TAOK2: variants seen among roughly 807,000 people sequenced by gnomAD.
The protein encoded by TAOK2 is TAO kinase 2.
Under a neutral mutation model 122.5 loss-of-function variants are expected in TAOK2, and 42 were observed. That is an observed-to-expected ratio of 0.34 (90% confidence interval 0.27 to 0.44). The LOEUF is 0.44. Among genes scored for constraint, TAOK2 ranks in the 20% least tolerant of loss-of-function variants. The pLI, the probability that TAOK2 is intolerant of heterozygous loss-of-function variation, is 1.00. For synonymous variants in TAOK2, 704 were observed against 677.6 expected (o/e 1.04, Z -0.61); for missense variants, 1,264 against 1,644.9 (o/e 0.77, Z 4.01).
At position 29,981,650 on chromosome 16, in the gene TAOK2, T is replaced by A; in HGVS notation, c.656-11T>A. ...ACCTCTCACCTTCTTCCCTTTCACC[T>A]TTTTCTGTAGCTGAACGGAAACCAC... is the stretch of plus-strand genomic sequence containing the variant. On this transcript the variant is annotated splice_polypyrimidine_tract_variant and intron_variant, in intron 8 of 15. Coordinates refer to ENST00000308893, the MANE Select transcript of TAOK2 (RefSeq NM_016151.4). 2 of 1,612,488 alleles carry A rather than the reference T, an allele frequency of 1.2e-6. No individual in the cohort carries two copies. Among genetic ancestry groups the A allele is most frequent in the Non-Finnish European group, 1.7e-6 (2 of 1,178,498 alleles).
rs150370002 is a variant in TAOK2, at chr16:29,985,807, C to T, written c.1938C>T (p.Tyr646=). 2.5e-6 allele frequency: 4 copies of T among 1,611,816 alleles called. No homozygotes were observed. Among genetic ancestry groups the T allele is most frequent in the Non-Finnish European group, 2.5e-6 (3 of 1,179,896 alleles). ...ACTTTGAGCTGCAGTGTCGCCAGTACAAGCGCAAGATGTTGCTGGCTCGGC... is the reference window on the plus strand; with the variant it reads ...ACTTTGAGCTGCAGTGTCGCCAGTATAAGCGCAAGATGTTGCTGGCTCGGC... ...RQYFELQCRQ[Y]KRKMLLARHS... The change falls in exon 15 of 16, where the codon TAC becomes TAT. Residue 646 remains tyrosine, a synonymous_variant. Transcript: ENST00000308893. This position sits in a 1 kb window ranked among gnomAD's most constrained non-coding sequence, Gnocchi z 6.9.
intron 10 of TAOK2, among the ~76,000 whole-genome samples, 174 bp downstream of exon 10, chr16:29,982,114 G>A: frequency 6.6e-6 from 1 of 152,062 alleles, no homozygotes; most frequent in Admixed American, 6.5e-5. Context: ...TTGTCTACCA[G>A]ACTGCCTTAA....
chr16:29,988,897 T>C (rs2150908809), downstream of TAOK2: 1 of 985,324 alleles, frequency 1.0e-6, no homozygotes, highest in East Asian at 1.1e-4. Context: ...GGGGCCGGGC[T>C]GGAATGCGGA....
At position 29,986,599 on chromosome 16, in the gene TAOK2, G is replaced by A. The variant is rs371212254; in HGVS notation, c.2327G>A (p.Cys776Tyr). 1 of 1,613,274 alleles carries A rather than the reference G, an allele frequency of 6.2e-7. No homozygotes were observed. Among genetic ancestry groups the A allele is most frequent in the South Asian group, 1.1e-5 (1 of 90,972 alleles). The change falls in exon 16 of 16, where the codon TGC becomes TAC. Residue 776 changes from cysteine (C) to tyrosine (Y), a missense_variant. Cys to Tyr is a radical substitution (Grantham distance 194, BLOSUM62 -2). Coordinates refer to ENST00000308893, the MANE Select transcript of TAOK2 (RefSeq NM_016151.4). This position sits in a 1 kb window ranked among gnomAD's most constrained non-coding sequence, Gnocchi z 4.2. ...GGCACCCCTATAGAACAGCAGCCCT[G>A]CTCACCTGGCCAGGAGGCAGTCCTG... is the stretch of plus-strand genomic sequence containing the variant. Reference protein sequence around the residue: ...NTGTPIEQQPCSPGQEAVLDQ... With the variant: ...NTGTPIEQQPYSPGQEAVLDQ...
Position 29,987,944 on chromosome 16 carries a change from C to T in TAOK2, c.3672C>T (p.Arg1224=), listed in dbSNP as rs1596619692. The part of the protein sequence containing the change: ...LPGTLAGRRS[R]TRQSRALPPW... ...GGACTCTAGCCGGGCGGAGGTCACGCACCCGCCAGTCCCGGGCCCTGCCCC... is the reference window on the plus strand; with the variant it reads ...GGACTCTAGCCGGGCGGAGGTCACGTACCCGCCAGTCCCGGGCCCTGCCCC... The change falls in exon 16 of 16, where the codon CGC becomes CGT. Residue 1224 remains arginine, a synonymous_variant. Coordinates refer to ENST00000308893, the MANE Select transcript of TAOK2 (RefSeq NM_016151.4). 1.3e-6 allele frequency: 2 copies of T among 1,537,432 alleles called. No homozygotes were observed. The highest frequency in any genetic ancestry group is 1.3e-5 in the African/African-American group (1 of 74,174).
downstream of TAOK2, chr16:29,989,056 C>T: frequency 5.1e-6 from 5 of 985,444 alleles, no homozygotes; most frequent in Non-Finnish European, 6.0e-6. Context: ...CCCTGCCTTC[C>T]TCCCTGAGCT....
rs929211870 is a variant in TAOK2 at position 29,983,801 on chromosome 16, C to T, written c.1422+137C>T. ...ATTTTCTGTTGCTGGCTCCTGCCTG[C>T]TCCCCTTAACCCTCCTGCTTCCCTC... is the stretch of plus-strand genomic sequence containing the variant. On this transcript the variant is annotated intron_variant, in intron 13 of 15. Transcript: ENST00000308893. 5 of 1,347,200 alleles carry T rather than the reference C, an allele frequency of 3.7e-6. No individual in the cohort carries two copies. The African/African-American group carries it at 5.8e-5, about 16-fold the overall frequency. The allele number at this position is 1,347,200 out of a possible 1,614,324, so 83.5% of individuals were successfully genotyped here.
Position 29,988,286 on chromosome 16 carries a change from G to GT in TAOK2, c.*314dup. ...GGTGGTGGAGGGTGGGAAGAGTCAT[G>GT]TTTTTTTTCTCCTCTTTGATTTTGT... On this transcript the variant is annotated 3_prime_UTR_variant, in exon 16 of 16. Coordinates refer to ENST00000308893, the MANE Select transcript of TAOK2 (RefSeq NM_016151.4). 2.6e-5 allele frequency: 38 copies of GT among 1,465,558 alleles called. No individual in the cohort carries two copies. Among genetic ancestry groups the GT allele is most frequent in the East Asian group, 1.1e-4 (4 of 37,184 alleles). 90.8% of individuals were successfully genotyped at this position (1,465,558 alleles called of 1,614,324 possible).
chr16:29,977,639 C>T, intron 1 of TAOK2, 99 bp from the exon 2 acceptor site: 1 of 1,117,838 alleles, frequency 8.9e-7, no homozygotes, highest in Non-Finnish European at 1.2e-6. Flanking sequence ...TCCTCCTCAT[C>T]AGGGAATGAG....
intron 1 of TAOK2, among the ~76,000 whole-genome samples, chr16:29,975,551 T>C (rs2069428937): frequency 6.6e-6 from 1 of 152,198 alleles, no homozygotes; most frequent in African/African-American, 2.4e-5. Flanking sequence ...AGGGCTCTAC[T>C]CAGAAGCTTT....
In TAOK2 at chr16:29,978,248, C is replaced by G. The variant is rs760898554; in HGVS notation, c.205-4C>G. The stretch of plus-strand genomic sequence containing the variant: ...GGTAACCTCTGCCTACCCTGACCCC[C>G]TAGAAATGGCAAGACATCATCAAGG... On this transcript the variant is annotated splice_polypyrimidine_tract_variant and splice_region_variant and intron_variant, in intron 3 of 15. Transcript: ENST00000308893. 1 of 1,613,990 alleles carries G rather than the reference C, an allele frequency of 6.2e-7. No homozygotes were observed. Among genetic ancestry groups the G allele is most frequent in the Non-Finnish European group, 8.5e-7 (1 of 1,179,926 alleles).
chr16:29,988,825 G>A (rs769868265), downstream of TAOK2: 4 of 985,394 alleles, frequency 4.1e-6, no homozygotes, highest in South Asian at 4.7e-5. Context: ...GCAACCAGGC[G>A]GAGTATGAAG....
At chr16:29,981,790 T>TA (rs747976065) in intron 9 of TAOK2, 36 bp downstream of exon 9, 223 of 1,612,540 alleles carry the variant, frequency 1.4e-4, no homozygotes, top group Non-Finnish European at 1.7e-4. Flanking sequence ...GCCCAGGCGT[T>TA]AGGCCATGGG....
In TAOK2 at chr16:29,986,822, G is replaced by A. The variant is rs139952928; in HGVS notation, c.2550G>A (p.Arg850=). 45 of 1,613,872 alleles carry A rather than the reference G, an allele frequency of 2.8e-5. No individual in the cohort carries two copies. The African/African-American group carries it at 4.1e-4, about 15-fold the overall frequency. The part of the protein sequence containing the change: ...WGLPEEIEEL[R]VPSLVPQERS... ...TGCCTGAGGAGATAGAGGAGCTTAGGGTGCCCTCCCTTGTACCCCAGGAGA... is the reference window on the plus strand; with the variant it reads ...TGCCTGAGGAGATAGAGGAGCTTAGAGTGCCCTCCCTTGTACCCCAGGAGA... Residue 850 remains arginine, a synonymous_variant, in exon 16 of 16, where the codon AGG becomes AGA. Coordinates refer to ENST00000308893, the MANE Select transcript of TAOK2 (RefSeq NM_016151.4). The surrounding 1 kb of genome is among the most constrained non-coding windows in gnomAD (Gnocchi z 4.2).
intron 8 of TAOK2, chr16:29,981,411 C>G (rs2069610276): frequency 1.6e-6 from 1 of 606,222 alleles, no homozygotes; most frequent in Non-Finnish European, 3.0e-6. Flanking sequence ...GTCCTTCTGC[C>G]TTCGTTACTG....
chr16:29,977,819 C>G lies in TAOK2; in HGVS notation c.47C>G (p.Ala16Gly). The G allele has an allele frequency of 6.2e-7, 1 of 1,614,222 alleles. No homozygotes were observed. The highest frequency in any genetic ancestry group is 8.5e-7 in the Non-Finnish European group (1 of 1,180,024). The change falls in exon 2 of 16, where the codon GCT (alanine) becomes GGT (glycine). Residue 16 changes from alanine to glycine, a missense_variant. Physicochemically the swap from Ala to Gly is moderately conservative, Grantham distance 60. This residue lies in a region of TAOK2 where 254 missense variants were observed against 503.8 expected (regional missense o/e 0.50). Coordinates refer to ENST00000308893, the MANE Select transcript of TAOK2 (RefSeq NM_016151.4). ...GGGAGCCTGAAGGACCCAGATGTGG[C>G]TGAGCTCTTCTTCAAGGATGACCCA... The part of the protein sequence containing the change: ...RAGSLKDPDV[A>G]ELFFKDDPEK...
At chr16:29,980,925 C>G (rs2069592929) in intron 8 of TAOK2, 1 of 152,260 alleles carries the variant, frequency 6.6e-6, no homozygotes, top group Admixed American at 6.5e-5. Flanking sequence ...ATGCTTATCT[C>G]CAGACCATTG....
Position 29,987,482 on chromosome 16 carries a change from GC to G in TAOK2, c.3211del (p.Arg1071GlyfsTer74). 3 of 1,594,164 alleles carry G rather than the reference GC, an allele frequency of 1.9e-6. No individual in the cohort carries two copies. Among genetic ancestry groups the G allele is most frequent in the Non-Finnish European group, 2.6e-6 (3 of 1,168,910 alleles). On this transcript the variant is annotated frameshift_variant, in exon 16 of 16. Transcript: ENST00000308893. LOFTEE classifies it high-confidence loss of function. Reference protein sequence around the residue: ...VAMAAGGRWVRQQGPRVRRGI... With the variant: ...VAMAAGGRWVXQQGPRVRRGI... ...CTATGGCAGCGGGGGGCAGATGGGT[GC>G]GGCAGCAGGGCCCCCGGGTGCGCCG...
downstream of TAOK2, chr16:29,988,902 T>G: frequency 1.0e-6 from 1 of 985,324 alleles, no homozygotes; most frequent in Non-Finnish European, 1.2e-6. Context: ...CGGGCTGGAA[T>G]GCGGATCTGG....
Sources: gnomAD v4.1 joint callset for allele counts (sites outside exome capture counted in the v4.1 genomes callset) on GRCh38, gnomAD v4.1.1 for gene constraint, gnomAD v4.1.1 regional missense constraint, Gnocchi (gnomAD v3.1) non-coding constraint, MANE v1.5 for transcripts, NCBI Gene and HGNC (gene_info 2026-07-23, HGNC 2026-07-21) for gene names.